The following A2ML1 variants were observed in gnomAD, a reference collection of about 807,000 sequenced individuals.
A2ML1 encodes the protein alpha-2-macroglobulin like 1.
A2ML1 carries 161 observed loss-of-function variants against 181.9 expected under a neutral mutation model. The ratio of observed to expected loss-of-function variants is 0.89; its 90% CI spans 0.78 to 1.01. A2ML1 has a LOEUF of 1.01. Ranked by LOEUF, A2ML1 falls within the 50% of genes least tolerant of loss-of-function variation. The pLI, the probability that A2ML1 is intolerant of heterozygous loss-of-function variation, is 0.00. For synonymous variants in A2ML1, 663 were observed against 666.8 expected, an observed-to-expected ratio of 0.99 and a Z score of 0.09; for missense variants, 1,670 against 1,768.1, an observed-to-expected ratio of 0.94 and a Z score of 1.00.
intron 22 of A2ML1, 102 bp downstream of exon 22, chr12:8,854,933 C>A: frequency 7.6e-7 from 1 of 1,314,902 alleles, no homozygotes; most frequent in African/African-American, 1.5e-5. Context: ...CTCGCTCCGT[C>A]GTCCAGGCTG....
At chr12:8,823,533 C>T in intron 2 of A2ML1, 168 bp downstream of exon 2, 4 of 1,083,400 alleles carry the variant, frequency 3.7e-6, no homozygotes, top group Non-Finnish European at 5.3e-6. Context: ...CCACGGTTTC[C>T]TCGACCTAGG....
chr12:8,837,735 G>C (rs1227993658), intron 8 of A2ML1, among the ~76,000 whole-genome samples, 169 bp downstream of exon 8: 1 of 151,834 alleles, frequency 6.6e-6, no homozygotes, highest in African/African-American at 2.4e-5. Flanking sequence ...CAAAAAATTG[G>C]CTGGGCATGG....
chr12:8,860,135 G>C (rs958602410), intron 26 of A2ML1, among the ~76,000 whole-genome samples: 2 of 151,890 alleles, frequency 1.3e-5, no homozygotes, highest in African/African-American at 4.8e-5. Flanking sequence ...TGACCTCCCC[G>C]GGCTCAGATG....
At chr12:8,855,145 G>T (rs193008168) in intron 22 of A2ML1, among the ~76,000 whole-genome samples, 33 of 152,142 alleles carry the variant, frequency 2.2e-4, no homozygotes, top group Middle Eastern at 3.4e-3. Flanking sequence ...CTCCTGCCTT[G>T]GCCTCCCAAA....
Position 8,851,877 on chromosome 12 carries a change from C to T in A2ML1, c.2328C>T (p.Phe776=), listed in dbSNP as rs368663740. 8.9e-5 allele frequency: 143 copies of T among 1,614,098 alleles called. No homozygotes were observed. The highest frequency in any genetic ancestry group is 1.5e-4 in the Admixed American group (9 of 59,998). ...TCTGCACTTCCCAGTCAAGAGGCTT[C>T]GGGCTTTCACCCACTGTTGGACTAA... The part of the protein sequence containing the change: ...MSFCTSQSRG[F]GLSPTVGLTA... The change falls in exon 19 of 36, where the codon TTC becomes TTT. Residue 776 remains phenylalanine (F), a synonymous_variant. Coordinates refer to ENST00000299698, the MANE Select transcript of A2ML1 (RefSeq NM_144670.6).
At chr12:8,832,094 G>A (rs923037355) in intron 4 of A2ML1, among the ~76,000 whole-genome samples, 3 of 152,172 alleles carry the variant, frequency 2.0e-5, no homozygotes, top group Non-Finnish European at 4.4e-5. Flanking sequence ...AGGGGCTTGG[G>A]AAGTGGGGAG....
intron 3 of A2ML1, among the ~76,000 whole-genome samples, chr12:8,824,539 A>G (rs150018820): frequency 2.4e-4 from 37 of 152,108 alleles, no homozygotes; most frequent in African/African-American, 8.7e-4. Context: ...TGTGCAATAA[A>G]TTATTGTTGA....
At chr12:8,865,408 G>A (rs1370711544) in intron 29 of A2ML1, among the ~76,000 whole-genome samples, 3 of 152,024 alleles carry the variant, frequency 2.0e-5, no homozygotes, top group Admixed American at 6.5e-5. Context: ...GCGTGGTGGC[G>A]GGTGCCTGTA....
intron 20 of A2ML1, 118 bp from the exon 21 acceptor site, chr12:8,854,008 CAG>C (rs1943976695): frequency 2.3e-6 from 3 of 1,296,574 alleles, no homozygotes; most frequent in Admixed American, 6.0e-5. Flanking sequence ...TCTATGGCAG[CAG>C]AGTTTGCACT....
intron 34 of A2ML1, among the ~76,000 whole-genome samples, 184 bp from the exon 35 acceptor site, chr12:8,874,787 G>T (rs1330632286): frequency 6.6e-6 from 1 of 152,036 alleles, no homozygotes; most frequent in Non-Finnish European, 1.5e-5. Context: ...TATTATTTTT[G>T]GTATGATTAA....
chr12:8,846,682 A>G (rs1043648184), intron 14 of A2ML1, among the ~76,000 whole-genome samples: 1 of 151,962 alleles, frequency 6.6e-6, no homozygotes, highest in African/African-American at 2.4e-5. Context: ...ATGGTGGTGG[A>G]TGCCTGCAAT....
intron 22 of A2ML1, 65 bp downstream of exon 22, chr12:8,854,896 A>ATTTTTTT: frequency 2.3e-6 from 3 of 1,293,996 alleles, no homozygotes; most frequent in Non-Finnish European, 3.2e-6. Flanking sequence ...TTTTCTTTTC[A>ATTTTTTT]TTTTTTTTTT....
At chr12:8,870,557 G>T (rs567490837) in intron 33 of A2ML1, among the ~76,000 whole-genome samples, 11 of 152,180 alleles carry the variant, frequency 7.2e-5, no homozygotes, top group Admixed American at 1.3e-4. Context: ...GTAAGCCACC[G>T]CACCCAGCCG....
chr12:8,843,145 A>C lies in A2ML1; in HGVS notation c.1260A>C (p.Gln420His). 1 of 1,614,082 alleles carries C rather than the reference A, an allele frequency of 6.2e-7. No homozygotes were observed. Among genetic ancestry groups the C allele is most frequent in the Admixed American group, 1.7e-5 (1 of 60,014 alleles). The change falls in exon 12 of 36, where the codon CAA becomes CAC. Residue 420 changes from glutamine to histidine, a missense_variant. Physicochemically the swap from Gln to His is conservative, Grantham distance 24. Coordinates refer to ENST00000299698, the MANE Select transcript of A2ML1 (RefSeq NM_144670.6). ...TCTTTTATTCTCAGGGAAAGTTTCA[A>C]ATGGAAGACTTAGTATATAATCCGG... Reference protein sequence around the residue: ...GTDVSLEGKFQMEDLVYNPEQ... With the variant: ...GTDVSLEGKFHMEDLVYNPEQ...
chr12:8,829,958 C>A (rs926009945), intron 4 of A2ML1, among the ~76,000 whole-genome samples, 179 bp downstream of exon 4: 1 of 152,134 alleles, frequency 6.6e-6, no homozygotes, highest in Admixed American at 6.5e-5. Context: ...CCTAAATCAG[C>A]CTAGGAACAA....
chr12:8,860,754 C>T, intron 26 of A2ML1, 127 bp from the exon 27 acceptor site: 1 of 798,852 alleles, frequency 1.3e-6, no homozygotes, highest in East Asian at 2.6e-5. Context: ...GAAAAAAGAG[C>T]TTTCTTTTCT....
downstream of A2ML1, among the ~76,000 whole-genome samples, chr12:8,879,537 C>G (rs948315246): frequency 7.9e-5 from 12 of 151,936 alleles, no homozygotes; most frequent in Admixed American, 4.6e-4. Context: ...CCCTTCCACT[C>G]ACTAAAAGCT....
At chr12:8,830,887 C>T (rs1436099009) in intron 4 of A2ML1, 5 of 151,962 alleles carry the variant, frequency 3.3e-5, no homozygotes, top group African/African-American at 1.2e-4. Context: ...TTTACTTCCT[C>T]CTTCCCATCA....
intron 7 of A2ML1, 142 bp downstream of exon 7, chr12:8,836,481 CTTTTTTTT>C: frequency 2.6e-6 from 1 of 389,926 alleles, no homozygotes; most frequent in Non-Finnish European, 4.5e-6. Flanking sequence ...TATCCAAGAC[CTTTTTTTT>C]TTTTTTTTTT....
Sources: allele counts gnomAD v4.1 joint callset (sites outside exome capture counted in the v4.1 genomes callset), GRCh38; gene constraint gnomAD v4.1.1; transcripts MANE v1.5; gene names NCBI Gene and HGNC (gene_info 2026-07-23, HGNC 2026-07-21).